Variants in ELP4 observed in about 807,000 individuals in gnomAD.
ELP4 encodes elongator acetyltransferase complex subunit 4.
In ELP4, 51 loss-of-function variants were observed where a neutral mutation model predicts 48.9. The ratio of observed to expected loss-of-function variants is 1.04; its 90% confidence interval spans 0.83 to 1.32. ELP4 has a LOEUF of 1.32. ELP4 is among the 40% of genes most tolerant of loss of function. The pLI, the probability that ELP4 is intolerant of heterozygous loss-of-function variation, is 0.00. For missense variants in ELP4, 519 were observed against 514.6 expected (o/e 1.01, Z -0.08); for synonymous variants, 210 against 189.2 (o/e 1.11, Z -0.90).
At chr11:31,622,200 T>C (rs928905085) in intron 5 of ELP4, among the ~76,000 whole-genome samples, 1 of 151,838 alleles carries the variant, frequency 6.6e-6, no homozygotes, top group Admixed American at 6.6e-5. Context: ...CAACAAGTTA[T>C]TTTAAAATCA....
chr11:31,560,007 C>T (rs1350128181), intron 3 of ELP4, among the ~76,000 whole-genome samples: 3 of 151,698 alleles, frequency 2.0e-5, no homozygotes, highest in Non-Finnish European at 4.4e-5. Context: ...AAAATGATAT[C>T]CAATCTTATT....
intron 9 of ELP4, among the ~76,000 whole-genome samples, chr11:31,690,474 A>T (rs948570524): frequency 6.6e-6 from 1 of 152,130 alleles, no homozygotes; most frequent in South Asian, 2.1e-4. Context: ...GATTATTTCT[A>T]CTAAAATGTG....
chr11:31,623,354 A>AATATATATATAT (rs779632233), intron 5 of ELP4, among the ~76,000 whole-genome samples: 153 of 9,200 alleles, frequency 0.017, 1 homozygote, highest in Non-Finnish European at 0.041. Context: ...ATTTTCAGCA[A>AATATATATATAT]ATATATATAT....
intron 9 of ELP4, chr11:31,682,070 C>T: frequency 7.7e-7 from 1 of 1,292,138 alleles, no homozygotes; most frequent in Non-Finnish European, 1.0e-6. Flanking sequence ...GAGAACAAGT[C>T]TAAAGGTAAG....
At chr11:31,689,432 A>G (rs150995351) in intron 9 of ELP4, 1 of 138,748 alleles carries the variant, frequency 7.2e-6, no homozygotes, top group East Asian at 2.1e-4. Flanking sequence ...CCACAAAATG[A>G]GAACCTGTCT....
intron 6 of ELP4, among the ~76,000 whole-genome samples, chr11:31,627,652 T>G (rs1944774728): frequency 6.6e-6 from 1 of 152,096 alleles, no homozygotes; most frequent in African/African-American, 2.4e-5. Flanking sequence ...TTTGCCATAT[T>G]AAATATTTTA....
chr11:31,588,837 G>C (rs1237616279), intron 3 of ELP4, among the ~76,000 whole-genome samples: 2 of 152,106 alleles, frequency 1.3e-5, no homozygotes, highest in Non-Finnish European at 2.9e-5. Flanking sequence ...GTAAAAATTA[G>C]CTGGGCGTGG....
At chr11:31,641,717 C>A (rs1350791963) in intron 7 of ELP4, among the ~76,000 whole-genome samples, 1 of 151,914 alleles carries the variant, frequency 6.6e-6, no homozygotes, top group Non-Finnish European at 1.5e-5. Context: ...CCACCTGCCT[C>A]AGCCTTTTTC....
At position 31,775,960 on chromosome 11, in the gene ELP4, G is replaced by A. The variant is rs187377156; in HGVS notation, c.1144-7433G>A. 1.9e-4 allele frequency among the ~76,000 whole-genome samples: 29 copies of A among 151,856 alleles called. 1 individual carries two copies. Among genetic ancestry groups the A allele is most frequent in the Admixed American group, 3.9e-4 (6 of 15,258 alleles). ...AGCCTGGATGACAGAGTGAGACTTC[G>A]TCTCAAAAAATAAATAAATAAAAAT... On this transcript the variant is annotated intron_variant, in intron 9 of 9. Transcript: ENST00000640961.
chr11:31,614,779 A>T (rs1592160449), intron 5 of ELP4, among the ~76,000 whole-genome samples: 3 of 152,318 alleles, frequency 2.0e-5, no homozygotes, highest in East Asian at 3.9e-4. Flanking sequence ...CATCACACAA[A>T]TCCAAATTGG....
intron 9 of ELP4, among the ~76,000 whole-genome samples, chr11:31,746,582 T>C (rs1157677085): frequency 6.6e-6 from 1 of 152,182 alleles, no homozygotes; most frequent in Admixed American, 6.5e-5. Context: ...GTTCATGTCC[T>C]TTGTAGGGAC....
intron 5 of ELP4, among the ~76,000 whole-genome samples, chr11:31,623,390 T>TATATATATATATATATATATATATA (rs67986763): frequency 1.1e-5 from 1 of 92,610 alleles, no homozygotes; most frequent in Non-Finnish European, 2.3e-5. Context: ...TATATATATA[T>TATATATATATATATATATATATATA]AAAACTAGAA....
intron 9 of ELP4, among the ~76,000 whole-genome samples, chr11:31,756,480 ATCTAAC>A (rs1252583084): frequency 1.8e-4 from 28 of 152,124 alleles, no homozygotes; most frequent in African/African-American, 6.5e-4. Context: ...CTAATTTCCC[ATCTAAC>A]TCTAACTTGC....
At chr11:31,601,601 A>G (rs930208940) in intron 4 of ELP4, among the ~76,000 whole-genome samples, 2 of 152,180 alleles carry the variant, frequency 1.3e-5, no homozygotes, top group Non-Finnish European at 2.9e-5. Context: ...ACATTAATAG[A>G]GACGGCAACT....
Position 31,534,839 on chromosome 11 carries a change from C to T in ELP4, c.260-4823C>T, listed in dbSNP as rs549107630. Among the ~76,000 whole-genome samples the T allele has an allele frequency of 2.0e-5, 3 of 152,226 alleles. No individual in the cohort carries two copies. In the South Asian group the frequency reaches 6.2e-4, roughly 32 times the overall value. On this transcript the variant is annotated intron_variant, in intron 2 of 9. Transcript: ENST00000640961. ...CTCTAAACTGACTTAATAGTAATTA[C>T]TTCAGGTAAAATCAATTATTTTTTA...
intron 3 of ELP4, among the ~76,000 whole-genome samples, chr11:31,580,381 T>A (rs1957368624): frequency 6.6e-6 from 1 of 152,250 alleles, no homozygotes; most frequent in Non-Finnish European, 1.5e-5. Flanking sequence ...TAGTAGGTGT[T>A]CCTTTTAATA....
chr11:31,763,332 C>T (rs955556492), intron 9 of ELP4: 251 of 1,275,618 alleles, frequency 2.0e-4, no homozygotes, highest in Non-Finnish European at 2.6e-4. Flanking sequence ...GAGATGTTAG[C>T]TTTTTCCCCC....
At chr11:31,607,227 C>A (rs1240739977) in intron 5 of ELP4, among the ~76,000 whole-genome samples, 1 of 152,144 alleles carries the variant, frequency 6.6e-6, no homozygotes, top group Non-Finnish European at 1.5e-5. Flanking sequence ...TTTAAGCCCC[C>A]CAATCTATGG....
At chr11:31,665,582 A>C (rs896999435) in intron 9 of ELP4, among the ~76,000 whole-genome samples, 1 of 150,382 alleles carries the variant, frequency 6.6e-6, no homozygotes, top group South Asian at 2.1e-4. Context: ...TCCTATTAGT[A>C]TTTGACTCTT....
Sources: gnomAD v4.1 joint callset for allele counts (sites outside exome capture counted in the v4.1 genomes callset) on GRCh38, gnomAD v4.1.1 for gene constraint, MANE v1.5 for transcripts, NCBI Gene and HGNC (gene_info 2026-07-23, HGNC 2026-07-21) for gene names.